Variants in RAD9B observed in about 807,000 individuals in gnomAD.
RAD9B encodes cell cycle checkpoint control protein RAD9B.
In RAD9B, 41 loss-of-function variants were observed where a neutral mutation model predicts 48.3. That is an observed-to-expected ratio of 0.85 (90% CI 0.66 to 1.10). RAD9B has a LOEUF of 1.10. Ranked by LOEUF, RAD9B falls within the 50% of genes least tolerant of loss-of-function variation. The pLI, the probability that RAD9B is intolerant of heterozygous loss-of-function variation, is 0.00. For missense variants in RAD9B, 444 were observed against 485.1 expected (o/e 0.92, Z 0.80); for synonymous variants, 160 against 157.9 (o/e 1.01, Z -0.10).
intron 10 of RAD9B, among the ~76,000 whole-genome samples, chr12:110,524,184 T>G (rs1158155966): frequency 6.6e-6 from 1 of 152,212 alleles, no homozygotes; most frequent in Non-Finnish European, 1.5e-5. Context: ...CTTAGTAAAA[T>G]GGGGGTAATA....
At chr12:110,519,964 A>C in intron 9 of RAD9B, 48 bp downstream of exon 9, 1 of 1,570,084 alleles carries the variant, frequency 6.4e-7, no homozygotes, top group Non-Finnish European at 8.6e-7. Context: ...AGCCATCATA[A>C]TCTTATTTTG....
intron 4 of RAD9B, 88 bp from the exon 5 acceptor site, chr12:110,512,691 C>A (rs925193706): frequency 1.6e-6 from 1 of 632,354 alleles, no homozygotes; most frequent in African/African-American, 1.9e-5. Flanking sequence ...TACTTTATTA[C>A]TTTAATTTGG....
chr12:110,525,266 C>T (rs907417916), intron 10 of RAD9B, among the ~76,000 whole-genome samples: 2 of 152,070 alleles, frequency 1.3e-5, no homozygotes, highest in African/African-American at 4.8e-5. Context: ...GCTGGGGTTA[C>T]AGGTGTGAGC....
At position 110,505,738 on chromosome 12, in the gene RAD9B, CA is replaced by C; in HGVS notation, c.241del (p.Thr81HisfsTer4). 1 of 1,611,984 alleles carries C rather than the reference CA, an allele frequency of 6.2e-7. No homozygotes were observed. Among genetic ancestry groups the C allele is most frequent in the Non-Finnish European group, 8.5e-7 (1 of 1,179,030 alleles). Reference protein sequence around the residue: ...LVKMSENELDTTLHLKCKLGM... With the variant: ...LVKMSENELDXTLHLKCKLGM... The stretch of plus-strand genomic sequence containing the variant: ...AAAATGAGTGAAAATGAACTTGACA[CA>C]ACACTGCATTTAAAATGCAAATTGG... On this transcript the variant is annotated frameshift_variant, in exon 3 of 11. Transcript: ENST00000409300. LOFTEE classifies it high-confidence loss of function.
rs1304542326 is a variant in RAD9B at position 110,518,752 on chromosome 12, T to G, written c.672T>G (p.Thr224=). Residue 224 remains threonine, a synonymous_variant, in exon 7 of 11, where the codon ACT becomes ACG. Transcript: ENST00000409300. ...ACTTCTTTCAAATTGGAATGGACAC[T>G]GAGATAACATTTTGTTTCAAAGAAT... ...EFDFFQIGMD[T]EITFCFKELK... is the part of the protein sequence containing the mutation. 1.9e-6 allele frequency: 3 copies of G among 1,607,496 alleles called. No individual in the cohort carries two copies.
intron 2 of RAD9B, among the ~76,000 whole-genome samples, chr12:110,504,125 G>T (rs1357004719): frequency 1.3e-5 from 2 of 150,800 alleles, no homozygotes; most frequent in African/African-American, 4.9e-5. Context: ...AGGAATGTTT[G>T]TTGGCCTGCA....
chr12:110,523,182 C>T (rs558325617), intron 10 of RAD9B, among the ~76,000 whole-genome samples: 3 of 152,226 alleles, frequency 2.0e-5, no homozygotes, highest in Admixed American at 2.0e-4. Context: ...ACGCCTGTAA[C>T]CCCGGCCCTT....
At chr12:110,517,804 A>G (rs1214065318) in intron 6 of RAD9B, among the ~76,000 whole-genome samples, 4 of 151,740 alleles carry the variant, frequency 2.6e-5, no homozygotes, top group Admixed American at 6.6e-5. Context: ...AATTATAAAA[A>G]TGTGCTTATT....
In RAD9B at chr12:110,531,555, G is replaced by A; in HGVS notation, c.*902G>A. 1 of 1,498,202 alleles carries A rather than the reference G, an allele frequency of 6.7e-7. No individual in the cohort carries two copies. The highest frequency in any genetic ancestry group is 9.3e-7 in the Non-Finnish European group (1 of 1,079,796). The allele number at this position is 1,498,202 out of a possible 1,614,324, so 92.8% of individuals were successfully genotyped here. A position where few individuals can be genotyped will look rare whatever the true frequency, so the allele number is the denominator to read the frequency against. ...CCTCAAATTGTTCTGATTTTCAGAT[G>A]TGATTTTTTATTTTGCAGTGTGCTG... On this transcript the variant is annotated 3_prime_UTR_variant, in exon 11 of 11. Transcript: ENST00000409300.
intron 4 of RAD9B, among the ~76,000 whole-genome samples, chr12:110,507,513 TACATAATATATGTATTAAATATAATAC>T (rs1185307861): frequency 0.034 from 845 of 24,610 alleles, 8 homozygotes; most frequent in Non-Finnish European, 0.066. Context: ...TTAAATATAA[TACATAATATATGTATTAAATATAATAC>T]ATAATATATG....
intron 10 of RAD9B, 95 bp downstream of exon 10, chr12:110,522,506 G>C: frequency 1.2e-6 from 1 of 859,168 alleles, no homozygotes; most frequent in East Asian, 2.7e-5. Context: ...GCCATGTTCT[G>C]AAAATTGATT....
At chr12:110,530,238 G>A (rs2064091693) in intron 10 of RAD9B, among the ~76,000 whole-genome samples, 1 of 151,986 alleles carries the variant, frequency 6.6e-6, no homozygotes, top group Non-Finnish European at 1.5e-5. Context: ...GTAGAGACGG[G>A]GTTTCACCAT....
In RAD9B at chr12:110,522,410, A is replaced by T. The variant is rs1039270511; in HGVS notation, c.1124A>T (p.Lys375Met). Residue 375 changes from lysine to methionine, a missense_variant and splice_region_variant, in exon 10 of 11, where the codon AAG becomes ATG. Coordinates refer to ENST00000409300, the MANE Select transcript of RAD9B (RefSeq NM_001286535.2). ...EEVPGSLCLRKFSCMFFGAVS... is the reference protein window; with the variant it reads ...EEVPGSLCLRMFSCMFFGAVS... ...GTGCCAGGGTCTCTGTGTCTCAGAA[A>T]GGTAAAAGCATTGAGATTCAACCAC... The T allele has an allele frequency of 3.8e-6, 6 of 1,596,320 alleles. No individual in the cohort carries two copies. Among genetic ancestry groups the T allele is most frequent in the Admixed American group, 1.7e-5 (1 of 57,770 alleles).
intron 6 of RAD9B, among the ~76,000 whole-genome samples, chr12:110,516,604 G>T (rs2063606820): frequency 6.6e-6 from 1 of 151,884 alleles, no homozygotes; most frequent in African/African-American, 2.4e-5. Flanking sequence ...GAGGTCAGAA[G>T]ATCGAGACCA....
At chr12:110,512,970 A>ATTTTT in intron 5 of RAD9B, 92 bp downstream of exon 5, 1 of 564,098 alleles carries the variant, frequency 1.8e-6, no homozygotes, top group African/African-American at 2.1e-5. Context: ...CAGTCGGCAC[A>ATTTTT]TTTTTTTTTT....
rs192958426 is a variant in RAD9B at position 110,513,110 on chromosome 12, C to T, written c.488+232C>T. ...CCTCCCGAGTAGCTGGGACTACAGG[C>T]GCCCACCGCCACTCCTGGCTAATTT... On this transcript the variant is annotated intron_variant, in intron 5 of 10. Transcript: ENST00000409300. Among the ~76,000 whole-genome samples the T allele has an allele frequency of 1.1e-4, 17 of 151,870 alleles. No homozygotes were observed. In the East Asian group the frequency reaches 2.7e-3, roughly 24 times the overall value.
chr12:110,504,615 G>C (rs917713869), intron 2 of RAD9B, among the ~76,000 whole-genome samples: 3 of 152,112 alleles, frequency 2.0e-5, no homozygotes, highest in African/African-American at 7.2e-5. Flanking sequence ...TCCCCGCTTA[G>C]ACAAGGTGTG....
At chr12:110,504,737 A>C (rs1406713331) in intron 2 of RAD9B, among the ~76,000 whole-genome samples, 1 of 151,142 alleles carries the variant, frequency 6.6e-6, no homozygotes, top group Non-Finnish European at 1.5e-5. Flanking sequence ...TAGTTCACAA[A>C]TGTAATCCCA....
intron 5 of RAD9B, among the ~76,000 whole-genome samples, chr12:110,514,473 C>T (rs1256075885): frequency 1.3e-5 from 2 of 152,146 alleles, no homozygotes; most frequent in Non-Finnish European, 2.9e-5. Context: ...AATTTTCAAT[C>T]TGTGAATTAT....
Sources: gnomAD v4.1 joint callset for allele counts (sites outside exome capture counted in the v4.1 genomes callset) on GRCh38, gnomAD v4.1.1 for gene constraint, MANE v1.5 for transcripts, NCBI Gene and HGNC (gene_info 2026-07-23, HGNC 2026-07-21) for gene names.